APC2: variants seen among roughly 807,000 people sequenced by gnomAD.
The protein encoded by APC2 is adenomatous polyposis coli protein 2.
A neutral mutation model predicts 72.5 loss-of-function variants in APC2; 41 were observed. The ratio of observed to expected loss-of-function variants is 0.57; its 90% CI spans 0.44 to 0.73. The LOEUF is 0.73. Among genes scored for constraint, APC2 ranks in the 30% least tolerant of loss-of-function variants. APC2 has a pLI of 0.00. For synonymous variants in APC2, 1,898 were observed against 1,612.0 expected (o/e 1.18, Z -4.25); for missense variants, 3,729 against 3,403.4 (o/e 1.10, Z -2.38).
Position 1,469,825 on chromosome 19 carries a change from A to G in APC2, c.6524A>G (p.Glu2175Gly), listed in dbSNP as rs777044723. The G allele has an allele frequency of 2.0e-4, 302 of 1,518,376 alleles. No homozygotes were observed. Among genetic ancestry groups the G allele is most frequent in the Non-Finnish European group, 2.5e-4 (287 of 1,140,658 alleles). 94.1% of individuals were successfully genotyped at this position (1,518,376 alleles called of 1,614,324 possible). A position where few individuals can be genotyped will look rare whatever the true frequency, so the allele number is the denominator to read the frequency against. The change falls in exon 15 of 15, where the codon GAG becomes GGG. Residue 2175 changes from glutamate to glycine, a missense_variant. By Grantham distance (98) the Glu-to-Gly change is moderately conservative (BLOSUM62 -2). Coordinates refer to ENST00000590469, the MANE Select transcript of APC2 (RefSeq NM_005883.3). ...TALPLRGSTPEDAPAGPPPRK... is the reference protein window; with the variant it reads ...TALPLRGSTPGDAPAGPPPRK... ...CTGCCACTGCGGGGCTCCACGCCCG[A>G]GGACGCCCCGGCCGGGCCCCCGCCG...
chr19:1,470,264 C>T lies in APC2; in HGVS notation c.*51C>T. The stretch of plus-strand genomic sequence containing the variant: ...TTCTCTCCCGGCCCTGCGGCGCGGT[C>T]TGGCTGCCCCATGGGCCTGCGCTGT... On this transcript the variant is annotated 3_prime_UTR_variant, in exon 15 of 15. Transcript: ENST00000590469. 1 of 1,510,478 alleles carries T rather than the reference C, an allele frequency of 6.6e-7. No homozygotes were observed. 93.6% of individuals were successfully genotyped at this position (1,510,478 alleles called of 1,614,324 possible). A position where few individuals can be genotyped will look rare whatever the true frequency, so the allele number is the denominator to read the frequency against.
upstream of APC2, among the ~76,000 whole-genome samples, chr19:1,446,711 G>A (rs553341961): frequency 3.9e-5 from 6 of 152,176 alleles, no homozygotes; most frequent in South Asian, 1.2e-3. The surrounding 1 kb of genome is among the most constrained non-coding windows in gnomAD (Gnocchi z 6.1). Flanking sequence ...ATCCTGCGGA[G>A]GCTCGGCCCT....
chr19:1,468,912 AC>A lies in APC2; in HGVS notation c.5616del (p.Ser1873ProfsTer123). 1 of 1,521,826 alleles carries A rather than the reference AC, an allele frequency of 6.6e-7. No homozygotes were observed. The highest frequency in any genetic ancestry group is 8.8e-7 in the Non-Finnish European group (1 of 1,141,584). The allele number at this position is 1,521,826 out of a possible 1,614,324, so 94.3% of individuals were successfully genotyped here. ...CACACCGCCCGCCCGCCTCGCCAAGACCCCCTCCTCCAGCTCCTCCCAGACC... is the reference window on the plus strand; with the variant it reads ...CACACCGCCCGCCCGCCTCGCCAAGACCCCTCCTCCAGCTCCTCCCAGACC... ...SATPPARLAK[T>X]PSSSSSQTSP... On this transcript the variant is annotated frameshift_variant, in exon 15 of 15. Transcript: ENST00000590469. LOFTEE classifies it low-confidence loss of function (END_TRUNC).
chr19:1,457,310 G>T (rs1453383083), intron 9 of APC2, 67 bp downstream of exon 9: 1 of 1,459,642 alleles, frequency 6.9e-7, no homozygotes, highest in Non-Finnish European at 9.0e-7. Flanking sequence ...CCGGGGGATG[G>T]GCGACTAGGA....
chr19:1,465,471 C>T lies in APC2; in HGVS notation c.2170C>T (p.Arg724Trp). 3.9e-6 allele frequency: 6 copies of T among 1,530,084 alleles called. No homozygotes were observed. Among genetic ancestry groups the T allele is most frequent in the Non-Finnish European group, 5.2e-6 (6 of 1,143,412 alleles). The allele number at this position is 1,530,084 out of a possible 1,614,324, so 94.8% of individuals were successfully genotyped here. The change falls in exon 15 of 15, where the codon CGG (arginine) becomes TGG (tryptophan). Residue 724 changes from arginine to tryptophan, a missense_variant. Transcript: ENST00000590469. ...CVPSLYVRKQ[R>W]ALEAELDARH... ...GCCCAGCCTGTACGTGCGCAAGCAG[C>T]GGGCGCTGGAGGCCGAGCTGGACGC...
chr19:1,472,208 GTCTCT>G lies in APC2; in HGVS notation c.*1999_*2003del, dbSNP rs2084146226. ...CCATGGCCCGAGGGGGAACCTGGTG[GTCTCT>G]TCTGAGCTTTTGGACTTGGGGATGC... On this transcript the variant is annotated 3_prime_UTR_variant, in exon 15 of 15. Transcript: ENST00000590469. 1 of 152,322 alleles carries G rather than the reference GTCTCT, an allele frequency of 6.6e-6. No individual in the cohort carries two copies. Among genetic ancestry groups the G allele is most frequent in the African/African-American group, 2.4e-5 (1 of 41,458 alleles). The allele number at this position is 152,322 out of a possible 1,614,324, so 9.4% of individuals were successfully genotyped here.
Position 1,460,517 on chromosome 19 carries a change from G to A in APC2, c.1443+197G>A, listed in dbSNP as rs565328428. Among the ~76,000 whole-genome samples, 10 of 152,346 alleles carry A rather than the reference G, an allele frequency of 6.6e-5. No homozygotes were observed. In the South Asian group the frequency reaches 1.0e-3, roughly 16 times the overall value. On this transcript the variant is annotated intron_variant, in intron 11 of 14. Coordinates refer to ENST00000590469, the MANE Select transcript of APC2 (RefSeq NM_005883.3). Reference sequence around the variant, plus strand: ...CGCGTGCTGAACCTCCCCACCTGGCGGTGTCCTCACGCCCACCCTGTTGCT... The same window carrying A: ...CGCGTGCTGAACCTCCCCACCTGGCAGTGTCCTCACGCCCACCCTGTTGCT...
chr19:1,465,405 C>T lies in APC2; in HGVS notation c.2104C>T (p.His702Tyr). 1 of 1,555,152 alleles carries T rather than the reference C, an allele frequency of 6.4e-7. No homozygotes were observed. The highest frequency in any genetic ancestry group is 2.4e-5 in the East Asian group (1 of 42,228). Residue 702 changes from histidine (H) to tyrosine (Y), a missense_variant, in exon 15 of 15, where the codon CAC becomes TAC. Physicochemically the swap from His to Tyr is moderately conservative, Grantham distance 83. Coordinates refer to ENST00000590469, the MANE Select transcript of APC2 (RefSeq NM_005883.3). ...CCTGCTGGCCCATCGGCCCGCCAAG[C>T]ACCAGGCGGCCGCCACCGCCGTGTC... The part of the protein sequence containing the change: ...RNLLAHRPAK[H>Y]QAAATAVSPG...
intron 4 of APC2, 149 bp downstream of exon 4, chr19:1,453,760 C>A: frequency 1.8e-6 from 2 of 1,119,640 alleles, no homozygotes; most frequent in Non-Finnish European, 2.5e-6. Context: ...CACCGAACAA[C>A]CCCGCCCACC....
Position 1,467,183 on chromosome 19 carries a change from G to C in APC2, c.3882G>C (p.Leu1294=). The C allele has an allele frequency of 6.6e-7, 1 of 1,517,542 alleles. No individual in the cohort carries two copies. 94.0% of individuals were successfully genotyped at this position (1,517,542 alleles called of 1,614,324 possible). A position where few individuals can be genotyped will look rare whatever the true frequency, so the allele number is the denominator to read the frequency against. Residue 1294 remains leucine (L), a synonymous_variant, in exon 15 of 15, where the codon CTG becomes CTC. Coordinates refer to ENST00000590469, the MANE Select transcript of APC2 (RefSeq NM_005883.3). ...HEHYVQQDVE[L]RLLPSACPER... ...ACTACGTGCAGCAGGACGTGGAGCT[G>C]CGGCTGCTGCCCTCGGCCTGCCCCG...
In APC2 at chr19:1,465,909, G is replaced by T; in HGVS notation, c.2608G>T (p.Asp870Tyr). The change falls in exon 15 of 15, where the codon GAT (aspartate) becomes TAT (tyrosine). Residue 870 changes from aspartate (D) to tyrosine (Y), a missense_variant. Physicochemically the swap from Asp to Tyr is radical, Grantham distance 160 (BLOSUM62 -3). Coordinates refer to ENST00000590469, the MANE Select transcript of APC2 (RefSeq NM_005883.3). ...DISALHTSSD[D>Y]SFSLSSGDPG... The stretch of plus-strand genomic sequence containing the variant: ...CTCCGCCCTGCACACCTCGTCCGAC[G>T]ATAGCTTCAGCCTCAGCTCTGGAGA... The T allele has an allele frequency of 6.3e-7, 1 of 1,583,440 alleles. No homozygotes were observed. The highest frequency in any genetic ancestry group is 8.6e-7 in the Non-Finnish European group (1 of 1,168,586).
intron 4 of APC2, 152 bp downstream of exon 4, chr19:1,453,763 C>T (rs900621751): frequency 9.9e-6 from 11 of 1,112,870 alleles, no homozygotes; most frequent in African/African-American, 4.7e-5. Context: ...CGAACAACCC[C>T]GCCCACCTCG....
intron 6 of APC2, among the ~76,000 whole-genome samples, 164 bp from the exon 7 acceptor site, chr19:1,455,912 C>T (rs2083815792): frequency 6.6e-6 from 1 of 152,036 alleles, no homozygotes; most frequent in South Asian, 2.1e-4. Context: ...AGGGAGCTGG[C>T]AGGGCTGGAT....
intron 10 of APC2, chr19:1,458,282 G>A: frequency 1.7e-6 from 1 of 579,324 alleles, no homozygotes; most frequent in South Asian, 2.0e-5. Flanking sequence ...GATCTGGTCT[G>A]AGGCTTCGGG....
upstream of APC2, chr19:1,450,092 C>T (rs1210052853): frequency 1.0e-6 from 1 of 964,494 alleles, no homozygotes; most frequent in Non-Finnish European, 1.2e-6. Context: ...GTCTCACCCG[C>T]ATCCCTCATC....
chr19:1,462,193 C>G lies in APC2; in HGVS notation c.1853+16C>G. 6.5e-7 allele frequency: 1 copy of G among 1,528,726 alleles called. No homozygotes were observed. The allele number at this position is 1,528,726 out of a possible 1,614,324, so 94.7% of individuals were successfully genotyped here. On this transcript the variant is annotated intron_variant, in intron 14 of 14. Transcript: ENST00000590469. ...AGGACTACAGGTCGGCCCCCACCCC[C>G]CCACCCGCACACAGGCAGCTGCGCT...
upstream of APC2, chr19:1,450,023 C>G (rs904676636): frequency 1.4e-6 from 1 of 724,942 alleles, no homozygotes; most frequent in Non-Finnish European, 1.7e-6. Context: ...GGTCCCCGCC[C>G]CGGGCCGCCA....
chr19:1,453,538 G>A lies in APC2; in HGVS notation c.340G>A (p.Gly114Arg), dbSNP rs778302871. The change falls in exon 4 of 15, where the codon GGG becomes AGG. Residue 114 changes from glycine to arginine, a missense_variant. Physicochemically the swap from Gly to Arg is moderately radical, Grantham distance 125. Transcript: ENST00000590469. ...CGAGGGCAGCCCAGTACACGGCTCC[G>A]GGCCCTCCAAGGACAGCTTTGGGGA... The part of the protein sequence containing the change: ...TPEGSPVHGS[G>R]PSKDSFGELS... The A allele has an allele frequency of 9.3e-6, 15 of 1,611,736 alleles. No homozygotes were observed. Among genetic ancestry groups the A allele is most frequent in the Non-Finnish European group, 1.2e-5 (14 of 1,179,576 alleles).
chr19:1,446,280 G>A, upstream of APC2: 1 of 982,230 alleles, frequency 1.0e-6, no homozygotes, highest in African/African-American at 1.8e-5. The surrounding 1 kb of genome is among the most constrained non-coding windows in gnomAD (Gnocchi z 6.1). Context: ...CGGGGCGGCC[G>A]CGGCTCCATG....
Sources: gnomAD v4.1 joint callset for allele counts (sites outside exome capture counted in the v4.1 genomes callset) on GRCh38, gnomAD v4.1.1 for gene constraint, Gnocchi (gnomAD v3.1) non-coding constraint, MANE v1.5 for transcripts, NCBI Gene and HGNC (gene_info 2026-07-23, HGNC 2026-07-21) for gene names.